LRRC7: variants seen among roughly 807,000 people sequenced by gnomAD.
LRRC7 encodes the protein leucine rich repeat containing 7, also known as leucine-rich repeat-containing protein 7.
In LRRC7, 23 loss-of-function variants were observed where a neutral mutation model predicts 175.7. That is an observed-to-expected ratio of 0.13 (90% CI 0.09 to 0.19). The LOEUF (loss-of-function observed/expected upper bound fraction) is 0.19. Among genes scored for constraint, LRRC7 ranks in the 10% least tolerant of loss-of-function variants. The probability of loss-of-function intolerance (pLI) is 1.00; values close to 1 mark genes in which losing one functional copy is unlikely to be tolerated. For missense variants in LRRC7, 1,354 were observed against 1,904.7 expected (o/e 0.71, Z 5.38); for synonymous variants, 685 against 680.9 (o/e 1.01, Z -0.09).
chr1:69,729,863 A>G (rs1393319109), intron 2 of LRRC7, among the ~76,000 whole-genome samples: 2 of 152,214 alleles, frequency 1.3e-5, no homozygotes, highest in African/African-American at 4.8e-5. Flanking sequence ...GTTCTCCATG[A>G]GGGCTCTGCC....
rs369444481 is a variant in LRRC7, at chr1:70,091,168, G to C, written c.4545+1349G>C. Among the ~76,000 whole-genome samples the C allele has an allele frequency of 4.1e-4, 63 of 152,198 alleles. No homozygotes were observed. The East Asian group carries it at 5.8e-3, about 14-fold the overall frequency. On this transcript the variant is annotated intron_variant, in intron 25 of 26. Coordinates refer to ENST00000651989, the MANE Select transcript of LRRC7 (RefSeq NM_001370785.2). Reference sequence around the variant, plus strand: ...GGAAACATCTGTTCATAGGTAACTAGCATATTTCCATTTTGAAATGATGTT... The same window carrying C: ...GGAAACATCTGTTCATAGGTAACTACCATATTTCCATTTTGAAATGATGTT...
intron 1 of LRRC7, among the ~76,000 whole-genome samples, chr1:69,614,834 TA>T (rs1490187795): frequency 1.3e-5 from 2 of 152,048 alleles, no homozygotes; most frequent in Admixed American, 1.3e-4. Context: ...CTTGACTGAC[TA>T]GAAATAATTT....
chr1:69,897,192 A>G (rs1034198475), intron 7 of LRRC7, among the ~76,000 whole-genome samples: 2 of 152,192 alleles, frequency 1.3e-5, no homozygotes, highest in Non-Finnish European at 2.9e-5. Flanking sequence ...CATTGCTAGT[A>G]AGTGACAGAA....
At position 70,036,393 on chromosome 1, in the gene LRRC7, G is replaced by A. The variant is rs536918305; in HGVS notation, c.2108-51G>A. 10 of 1,532,196 alleles carry A rather than the reference G, an allele frequency of 6.5e-6. No homozygotes were observed. In the East Asian group the frequency reaches 1.1e-4, roughly 17 times the overall value. 94.9% of individuals were successfully genotyped at this position (1,532,196 alleles called of 1,614,324 possible). A position where few individuals can be genotyped will look rare whatever the true frequency, so the allele number is the denominator to read the frequency against. Reference sequence around the variant, plus strand: ...TTCCATTTTTCATACTTGCTTTTCCGTGTAATTGTCAGTGTCATAGCATTA... The same window carrying A: ...TTCCATTTTTCATACTTGCTTTTCCATGTAATTGTCAGTGTCATAGCATTA... On this transcript the variant is annotated intron_variant, in intron 19 of 26. Coordinates refer to ENST00000651989, the MANE Select transcript of LRRC7 (RefSeq NM_001370785.2).
intron 1 of LRRC7, among the ~76,000 whole-genome samples, chr1:69,658,498 T>G (rs950428200): frequency 1.3e-5 from 2 of 151,738 alleles, no homozygotes; most frequent in Non-Finnish European, 2.9e-5. Context: ...TCCTAGAAGG[T>G]AGGTAAGAAT....
chr1:69,888,481 A>G (rs1353442312), intron 7 of LRRC7, among the ~76,000 whole-genome samples: 1 of 152,090 alleles, frequency 6.6e-6, no homozygotes, highest in Non-Finnish European at 1.5e-5. Context: ...TGGCTCGCGC[A>G]CGGTGCGCGC....
chr1:69,818,754 C>A (rs1211419008), intron 4 of LRRC7, among the ~76,000 whole-genome samples: 4 of 152,026 alleles, frequency 2.6e-5, no homozygotes, highest in Non-Finnish European at 5.9e-5. Context: ...TGGGAGATTT[C>A]TGTTTACTGA....
At chr1:69,997,340 C>G (rs1224265940) in intron 11 of LRRC7, among the ~76,000 whole-genome samples, 4 of 151,642 alleles carry the variant, frequency 2.6e-5, no homozygotes, top group African/African-American at 4.9e-5. Context: ...ATCATGTCAT[C>G]TGCAAACAGG....
chr1:69,724,109 A>T (rs547595655), intron 2 of LRRC7, among the ~76,000 whole-genome samples: 12 of 152,324 alleles, frequency 7.9e-5, no homozygotes, highest in African/African-American at 2.9e-4. Flanking sequence ...ACTGTTTAAA[A>T]TTGAGCACAT....
intron 7 of LRRC7, among the ~76,000 whole-genome samples, chr1:69,903,507 CTAT>C (rs1176131639): frequency 6.6e-6 from 1 of 152,068 alleles, no homozygotes; most frequent in Non-Finnish European, 1.5e-5. Flanking sequence ...CATCAGGTGC[CTAT>C]ACCACATGGG....
intron 2 of LRRC7, among the ~76,000 whole-genome samples, chr1:69,742,275 G>A (rs1266181705): frequency 6.6e-6 from 1 of 151,854 alleles, no homozygotes; most frequent in Non-Finnish European, 1.5e-5. Context: ...ACACTTATTG[G>A]TTTGCATCAG....
At chr1:69,882,894 G>A (rs374933572) in intron 7 of LRRC7, among the ~76,000 whole-genome samples, 1 of 151,460 alleles carries the variant, frequency 6.6e-6, no homozygotes, top group African/African-American at 2.4e-5. Flanking sequence ...ATAGTTTACT[G>A]AGAATGATGA....
At chr1:69,603,595 ATC>A (rs1158219486) in intron 1 of LRRC7, among the ~76,000 whole-genome samples, 1 of 152,166 alleles carries the variant, frequency 6.6e-6, no homozygotes, top group Non-Finnish European at 1.5e-5. Context: ...CAAATAGGAT[ATC>A]TGTTTGTCTA....
At chr1:69,896,675 C>T (rs538074059) in intron 7 of LRRC7, among the ~76,000 whole-genome samples, 12 of 152,218 alleles carry the variant, frequency 7.9e-5, no homozygotes, top group Non-Finnish European at 1.6e-4. Flanking sequence ...TCTGTCCTTC[C>T]TATACCATTG....
intron 14 of LRRC7, 77 bp from the exon 15 acceptor site, chr1:70,018,642 A>G: frequency 1.1e-6 from 1 of 897,692 alleles, no homozygotes; most frequent in Non-Finnish European, 1.7e-6. Context: ...ATGTTTATTT[A>G]TCTGAGTGAG....
intron 1 of LRRC7, among the ~76,000 whole-genome samples, chr1:69,582,486 T>G (rs537437277): frequency 8.2e-4 from 125 of 152,250 alleles, no homozygotes; most frequent in Non-Finnish European, 1.5e-3. Context: ...CCAGCTGAAG[T>G]TCAATGAAAG....
intron 1 of LRRC7, among the ~76,000 whole-genome samples, chr1:69,638,604 A>T (rs1399787935): frequency 6.6e-6 from 1 of 151,670 alleles, no homozygotes; most frequent in Non-Finnish European, 1.5e-5. Flanking sequence ...AGCCAAGAGC[A>T]CTCACCCCTA....
intron 7 of LRRC7, among the ~76,000 whole-genome samples, chr1:69,915,224 A>T (rs139664918): frequency 2.6e-5 from 4 of 152,280 alleles, no homozygotes; most frequent in African/African-American, 4.8e-5. Flanking sequence ...CAAAATAATC[A>T]TAAATGCAAG....
At chr1:69,882,392 G>C (rs981587212) in intron 7 of LRRC7, among the ~76,000 whole-genome samples, 20 of 152,054 alleles carry the variant, frequency 1.3e-4, no homozygotes, top group African/African-American at 4.6e-4. Flanking sequence ...AAAAATCAAA[G>C]AGAGATTTGC....
Sources: allele counts gnomAD v4.1 joint callset (sites outside exome capture counted in the v4.1 genomes callset), GRCh38; gene constraint gnomAD v4.1.1; transcripts MANE v1.5; gene names NCBI Gene and HGNC (gene_info 2026-07-23, HGNC 2026-07-21).